Variants in SDK1 observed in about 807,000 individuals in gnomAD.
SDK1 encodes the protein protein sidekick-1.
A neutral mutation model predicts 245.5 loss-of-function variants in SDK1; 157 were observed. That is an observed-to-expected ratio of 0.64 (90% CI 0.56 to 0.73). SDK1 has a LOEUF of 0.73. SDK1 is among the 30% of genes least tolerant of loss of function. The pLI is 0.00. For synonymous variants in SDK1, 1,647 were observed against 1,278.5 expected (o/e 1.29, Z -6.15); for missense variants, 3,583 against 3,002.3 (o/e 1.19, Z -4.52).
intron 13 of SDK1, among the ~76,000 whole-genome samples, chr7:3,982,348 A>C (rs1338134190): frequency 6.6e-6 from 1 of 152,194 alleles, no homozygotes; most frequent in African/African-American, 2.4e-5. Flanking sequence ...CAAGGAGATG[A>C]ATGTGGGTTT....
chr7:3,966,189 C>T (rs890018612), intron 9 of SDK1, among the ~76,000 whole-genome samples: 2 of 151,860 alleles, frequency 1.3e-5, no homozygotes, highest in Admixed American at 6.6e-5. Context: ...TGGTTGCCTG[C>T]GAGGTGGAGA....
intron 1 of SDK1, among the ~76,000 whole-genome samples, chr7:3,421,257 A>C (rs1479750496): frequency 6.6e-6 from 1 of 151,918 alleles, no homozygotes; most frequent in Non-Finnish European, 1.5e-5. Context: ...ATTTTAATAG[A>C]GACAGGGTTT....
chr7:3,577,323 A>G (rs1031740169), intron 1 of SDK1, among the ~76,000 whole-genome samples: 1 of 152,104 alleles, frequency 6.6e-6, no homozygotes, highest in Non-Finnish European at 1.5e-5. Flanking sequence ...TTTACAGACA[A>G]GGAAACAGAG....
intron 4 of SDK1, among the ~76,000 whole-genome samples, chr7:3,775,702 G>A (rs1040472337): frequency 1.1e-4 from 17 of 151,210 alleles, no homozygotes; most frequent in Non-Finnish European, 2.1e-4. Flanking sequence ...TCAGCCTCCC[G>A]AGTAGCTGGG....
chr7:4,116,108 C>T (rs1382685915), intron 25 of SDK1, among the ~76,000 whole-genome samples: 1 of 152,084 alleles, frequency 6.6e-6, no homozygotes, highest in Non-Finnish European at 1.5e-5. Context: ...GGCCTGTCTG[C>T]TCTAAAGATG....
At chr7:4,170,320 G>T (rs1584356393) in intron 32 of SDK1, among the ~76,000 whole-genome samples, 1 of 152,070 alleles carries the variant, frequency 6.6e-6, no homozygotes, top group Non-Finnish European at 1.5e-5. Flanking sequence ...GGTGGTGCAG[G>T]TCTGTAGTCC....
intron 1 of SDK1, among the ~76,000 whole-genome samples, chr7:3,318,850 C>G (rs377617089): frequency 5.3e-5 from 8 of 152,132 alleles, no homozygotes; most frequent in Non-Finnish European, 1.0e-4. Flanking sequence ...TATTGACAAT[C>G]AAATTTATTC....
At chr7:3,637,950 G>T (rs1755393795) in intron 2 of SDK1, among the ~76,000 whole-genome samples, 1 of 152,248 alleles carries the variant, frequency 6.6e-6, no homozygotes, top group African/African-American at 2.4e-5. Flanking sequence ...TTCCTGTGGA[G>T]TGACACAAGA....
chr7:3,920,139 C>T (rs1469153622), intron 5 of SDK1, among the ~76,000 whole-genome samples: 3 of 152,248 alleles, frequency 2.0e-5, no homozygotes, highest in Non-Finnish European at 2.9e-5. Flanking sequence ...GGGTCGTGTC[C>T]GGGAAAATGA....
intron 5 of SDK1, among the ~76,000 whole-genome samples, chr7:3,930,300 C>T (rs1779929231): frequency 1.3e-5 from 2 of 152,204 alleles, no homozygotes; most frequent in Non-Finnish European, 2.9e-5. Context: ...GAACTAGACT[C>T]CCAGAGCATG....
intron 5 of SDK1, among the ~76,000 whole-genome samples, chr7:3,863,577 C>A (rs1780748230): frequency 6.6e-6 from 1 of 152,212 alleles, no homozygotes; most frequent in African/African-American, 2.4e-5. Context: ...CACCATAACT[C>A]TTCATCATCC....
At chr7:4,206,530 C>T (rs931617942) in intron 36 of SDK1, among the ~76,000 whole-genome samples, 6 of 152,264 alleles carry the variant, frequency 3.9e-5, no homozygotes, top group Non-Finnish European at 7.3e-5. Flanking sequence ...AGAACCGCCA[C>T]GGTAACATGT....
chr7:4,194,025 G>A (rs1783392904), intron 35 of SDK1, among the ~76,000 whole-genome samples: 1 of 152,042 alleles, frequency 6.6e-6, no homozygotes, highest in Admixed American at 6.6e-5. Flanking sequence ...CATACTACTA[G>A]AAGTAGAGTC....
intron 1 of SDK1, among the ~76,000 whole-genome samples, chr7:3,474,769 C>T (rs1781301019): frequency 6.6e-6 from 1 of 152,164 alleles, no homozygotes; most frequent in South Asian, 2.1e-4. Context: ...TAGCTCACTG[C>T]AGGCTGGAAC....
chr7:3,393,625 T>C (rs575458671), intron 1 of SDK1, among the ~76,000 whole-genome samples: 1 of 152,334 alleles, frequency 6.6e-6, no homozygotes, highest in East Asian at 1.9e-4. Context: ...CAAGTTAAAA[T>C]GAATGTGATT....
intron 22 of SDK1, among the ~76,000 whole-genome samples, chr7:4,107,752 A>C (rs1783037744): frequency 6.6e-6 from 1 of 152,098 alleles, no homozygotes; most frequent in South Asian, 2.1e-4. Context: ...TCCTCCCCTG[A>C]GACATTGCCC....
chr7:3,673,085 G>C (rs1019761560), intron 4 of SDK1, among the ~76,000 whole-genome samples: 14 of 151,786 alleles, frequency 9.2e-5, no homozygotes, highest in African/African-American at 3.4e-4. Context: ...ATACTTCCTT[G>C]TAGCATTTGA....
chr7:4,001,057 T>C lies in SDK1; in HGVS notation c.2132-9909T>C, dbSNP rs554457768. ...TGGCTCCCACATCCTTGGTTGGTCCTCACCTTCTGGAATCCTCTGGCCCAG... is the reference window on the plus strand; with the variant it reads ...TGGCTCCCACATCCTTGGTTGGTCCCCACCTTCTGGAATCCTCTGGCCCAG... On this transcript the variant is annotated intron_variant, in intron 14 of 44. Transcript: ENST00000404826. Among the ~76,000 whole-genome samples the C allele has an allele frequency of 7.4e-4, 113 of 152,262 alleles. 1 individual carries two copies. The highest frequency in any genetic ancestry group is 2.6e-3 in the African/African-American group (109 of 41,566).
chr7:3,795,276 G>C (rs1389928113), intron 4 of SDK1, among the ~76,000 whole-genome samples: 1 of 152,068 alleles, frequency 6.6e-6, no homozygotes, highest in South Asian at 2.1e-4. Context: ...TTCCCCCTTA[G>C]AGGCATGTTG....
Sources: allele counts gnomAD v4.1 joint callset (sites outside exome capture counted in the v4.1 genomes callset), GRCh38; gene constraint gnomAD v4.1.1; transcripts MANE v1.5; gene names NCBI Gene and HGNC (gene_info 2026-07-23, HGNC 2026-07-21).